FGF13: variants seen among roughly 807,000 people sequenced by gnomAD.
FGF13 encodes the protein fibroblast growth factor 13.
In FGF13, 2 loss-of-function variants were observed where a neutral mutation model predicts 19.5. The ratio of observed to expected loss-of-function variants is 0.10; its 90% CI spans 0.04 to 0.32. The LOEUF (loss-of-function observed/expected upper bound fraction) is 0.32, where lower values mean the gene tolerates loss of function less well. Among genes scored for constraint, FGF13 ranks in the 10% least tolerant of loss-of-function variants. FGF13 has a pLI of 1.00. For synonymous variants in FGF13, 72 were observed against 76.9 expected (o/e 0.94, Z 0.33); for missense variants, 113 against 192.7 (o/e 0.59, Z 2.45).
At chrX:139,184,320 T>TA (rs2084263901) in intron 1 of FGF13, among the ~76,000 whole-genome samples, 1 of 112,034 alleles carries the variant, frequency 8.9e-6, no homozygotes, top group Non-Finnish European at 1.9e-5. Flanking sequence ...CCTTGTTCAA[T>TA]AAAAAACACC....
chrX:139,008,794 T>C (rs183941570), intron 1 of FGF13, among the ~76,000 whole-genome samples: 18 of 111,795 alleles, frequency 1.6e-4, no homozygotes, highest in Admixed American at 1.3e-3. Context: ...AACAAGGTTC[T>C]TTAACACCCC....
At chrX:138,708,079 G>A (rs767336024) in intron 2 of FGF13, among the ~76,000 whole-genome samples, 4 of 112,316 alleles carry the variant, frequency 3.6e-5, no homozygotes, top group African/African-American at 1.3e-4. Context: ...TCTGTAAATT[G>A]CAAGAAAACA....
intron 3 of FGF13, among the ~76,000 whole-genome samples, chrX:138,834,316 C>T (rs1440758218): frequency 9.0e-6 from 1 of 111,518 alleles, no homozygotes; most frequent in Admixed American, 9.5e-5. Flanking sequence ...ATTAATGCCT[C>T]AATTTCGGAA....
chrX:139,103,082 C>A (rs2083527508), intron 1 of FGF13, among the ~76,000 whole-genome samples: 1 of 112,016 alleles, frequency 8.9e-6, no homozygotes, highest in African/African-American at 3.2e-5. Context: ...CCATGCCTTG[C>A]ACTTTCCCAC....
chrX:138,974,895 A>T (rs2091933782), intron 1 of FGF13, among the ~76,000 whole-genome samples: 1 of 112,439 alleles, frequency 8.9e-6, no homozygotes, highest in South Asian at 3.7e-4. Flanking sequence ...TAGTGCAATC[A>T]AGTGCTGTAA....
rs2089039390 is a variant in FGF13 at position 138,624,376 on chromosome X, AAAT to A, written c.*8471_*8473del. 1 of 112,051 alleles carries A rather than the reference AAAT, an allele frequency of 8.9e-6. No homozygotes were observed. Among genetic ancestry groups the A allele is most frequent in the Admixed American group, 9.5e-5 (1 of 10,535 alleles). The allele number at this position is 112,051 out of a possible 1,213,427, so 9.2% of individuals were successfully genotyped here. Reference sequence around the variant, plus strand: ...TTTAAACATTGAATATCCAAATACAAAATAATGAAATTGGACCTTTATCCTATA... The same window carrying A: ...TTTAAACATTGAATATCCAAATACAAAATGAAATTGGACCTTTATCCTATA... On this transcript the variant is annotated 3_prime_UTR_variant, in exon 5 of 5. Coordinates refer to ENST00000315930, the MANE Select transcript of FGF13 (RefSeq NM_004114.5).
intron 3 of FGF13, among the ~76,000 whole-genome samples, chrX:138,796,386 C>A (rs1013154573): frequency 3.6e-4 from 40 of 111,925 alleles, no homozygotes; most frequent in Non-Finnish European, 4.9e-4. Context: ...CATGTCCCTG[C>A]AAAGCACATG....
chrX:138,989,351 T>G (rs2092005818), intron 1 of FGF13, among the ~76,000 whole-genome samples: 1 of 111,937 alleles, frequency 8.9e-6, no homozygotes, highest in East Asian at 2.8e-4. Flanking sequence ...TTCCCTACAG[T>G]TGAAGTGAAC....
intron 1 of FGF13, among the ~76,000 whole-genome samples, chrX:138,907,545 T>C (rs2124219992): frequency 9.0e-6 from 1 of 111,507 alleles, no homozygotes; most frequent in South Asian, 3.8e-4. Context: ...CCATGTGGCC[T>C]TTTCATTTTC....
At chrX:138,747,511 A>G (rs947882467) in intron 3 of FGF13, among the ~76,000 whole-genome samples, 1 of 111,845 alleles carries the variant, frequency 8.9e-6, no homozygotes, top group Non-Finnish European at 1.9e-5. Context: ...AAATAAATCT[A>G]TTTTATGTGA....
chrX:138,793,775 T>C (rs936953926), intron 3 of FGF13, among the ~76,000 whole-genome samples: 3 of 112,031 alleles, frequency 2.7e-5, no homozygotes, highest in African/African-American at 9.7e-5. Flanking sequence ...GTCACAGTTA[T>C]TTTGAGCTAA....
chrX:139,001,708 T>C lies in FGF13; in HGVS notation c.-112-137058A>G, dbSNP rs190345601. Among the ~76,000 whole-genome samples the C allele has an allele frequency of 9.1e-3, 1,013 of 111,749 alleles. 10 individuals carry two copies. Among genetic ancestry groups the C allele is most frequent in the African/African-American group, 0.031 (965 of 30,747 alleles). ...GAAACAACAGATGCTGGAGAGGATG[T>C]GGAGAAATAGGAATGCTTTTACACT... On this transcript the variant is annotated intron_variant, in intron 1 of 2. Transcript: ENST00000421460.
At chrX:138,845,331 C>T (rs192431755) in intron 3 of FGF13, among the ~76,000 whole-genome samples, 139 of 111,536 alleles carry the variant, frequency 1.2e-3, no homozygotes, top group African/African-American at 4.3e-3. Context: ...TCAATAAACA[C>T]CTATTAACAA....
chrX:138,686,615 G>A (rs944162630), intron 3 of FGF13, among the ~76,000 whole-genome samples: 1 of 111,238 alleles, frequency 9.0e-6, no homozygotes, highest in Non-Finnish European at 1.9e-5. Context: ...ATATACTTAC[G>A]CCTCTATGCA....
chrX:138,729,996 CAT>C (rs1380975508), intron 1 of FGF13, among the ~76,000 whole-genome samples: 1 of 111,285 alleles, frequency 9.0e-6, no homozygotes. Flanking sequence ...AAAAAAGAAA[CAT>C]AGAATTTTTC....
intron 1 of FGF13, among the ~76,000 whole-genome samples, chrX:139,024,170 T>C (rs1420801954): frequency 1.8e-5 from 2 of 111,266 alleles, no homozygotes; most frequent in Non-Finnish European, 3.8e-5. Context: ...AATCCACACA[T>C]AGTGCCCCAA....
chrX:138,980,144 GT>G (rs758911083), intron 1 of FGF13, among the ~76,000 whole-genome samples: 2 of 111,181 alleles, frequency 1.8e-5, no homozygotes, highest in African/African-American at 6.5e-5. Flanking sequence ...TTTTCAAAAT[GT>G]TTTTTTTCCT....
At chrX:139,189,868 T>C (rs772032489) in intron 1 of FGF13, among the ~76,000 whole-genome samples, 1 of 111,963 alleles carries the variant, frequency 8.9e-6, no homozygotes, top group Non-Finnish European at 1.9e-5. Flanking sequence ...CAATTAAAAG[T>C]AAAAATAAAA....
At chrX:139,155,770 G>A (rs953962074) in intron 1 of FGF13, among the ~76,000 whole-genome samples, 1 of 111,810 alleles carries the variant, frequency 8.9e-6, no homozygotes, top group Non-Finnish European at 1.9e-5. Context: ...AGAAGAGTAG[G>A]GAAATGCTTG....
Sources: allele counts gnomAD v4.1 joint callset (sites outside exome capture counted in the v4.1 genomes callset), GRCh38; gene constraint gnomAD v4.1.1; transcripts MANE v1.5; gene names NCBI Gene and HGNC (gene_info 2026-07-23, HGNC 2026-07-21).